The following LARP4B variants were observed in gnomAD, a reference collection of about 807,000 sequenced individuals.
LARP4B encodes la-related protein 4B.
LARP4B carries 12 observed loss-of-function variants against 89.8 expected under a neutral mutation model. The observed-to-expected ratio is 0.13, with a 90% confidence interval of 0.09 to 0.22. The LOEUF is 0.22. LARP4B is among the 10% of genes least tolerant of loss of function. The probability of loss-of-function intolerance (pLI) is 1.00; values close to 1 mark genes in which losing one functional copy is unlikely to be tolerated. For synonymous variants in LARP4B, 367 were observed against 363.3 expected (o/e 1.01, Z -0.12); for missense variants, 757 against 947.7 (o/e 0.80, Z 2.64).
At chr10:877,060 G>A (rs1213544915) in intron 3 of LARP4B, among the ~76,000 whole-genome samples, 3 of 152,180 alleles carry the variant, frequency 2.0e-5, no homozygotes, top group African/African-American at 7.2e-5. Context: ...GAGGTCCGAG[G>A]CGGCTCTGGG....
In LARP4B at chr10:910,048, G is replaced by A. The variant is rs563019367; in HGVS notation, c.-40+21380C>T. Among the ~76,000 whole-genome samples, 12 of 152,236 alleles carry A rather than the reference G, an allele frequency of 7.9e-5. No individual in the cohort carries two copies. In the South Asian group the frequency reaches 1.5e-3, roughly 18 times the overall value. ...GTGTGGGACTTCTGTCATGCCTCCC[G>A]CCCCAGATCCATGCTGAGCAGAATT... is the stretch of plus-strand genomic sequence containing the variant. On this transcript the variant is annotated intron_variant, in intron 1 of 17. Transcript: ENST00000316157.
At chr10:926,452 G>A (rs929327439) in intron 1 of LARP4B, among the ~76,000 whole-genome samples, 8 of 152,152 alleles carry the variant, frequency 5.3e-5, no homozygotes, top group Non-Finnish European at 5.9e-5. Context: ...AGAGGGAGGC[G>A]TGGTCCTGAT....
chr10:978,474 T>C, the LARP4B span, among the ~76,000 whole-genome samples: 1 of 152,210 alleles, frequency 6.6e-6, no homozygotes, highest in Non-Finnish European at 1.5e-5. Context: ...TTTCACTTTT[T>C]TCTTGCCTTC....
chr10:873,507 T>C (rs1835328261), intron 3 of LARP4B: 1 of 691,282 alleles, frequency 1.4e-6, no homozygotes, highest in South Asian at 6.4e-5. Context: ...AGTGTTCCAG[T>C]ATTTCCCAAA....
At chr10:821,485 G>C (rs1832349762) in intron 13 of LARP4B, among the ~76,000 whole-genome samples, 1 of 152,224 alleles carries the variant, frequency 6.6e-6, no homozygotes, top group Non-Finnish European at 1.5e-5. Context: ...GACAGACACT[G>C]ATTAAGTGGT....
At chr10:827,884 A>G (rs931518412) in intron 11 of LARP4B, among the ~76,000 whole-genome samples, 1 of 152,210 alleles carries the variant, frequency 6.6e-6, no homozygotes, top group Non-Finnish European at 1.5e-5. Context: ...AGAATGTGCT[A>G]CTTCAAAAAG....
chr10:979,147 T>G, the LARP4B span, among the ~76,000 whole-genome samples: 1 of 152,322 alleles, frequency 6.6e-6, no homozygotes, highest in East Asian at 1.9e-4. Context: ...TGGAAAAATC[T>G]TAGTCTTTAT....
chr10:854,232 T>C (rs1200636450), intron 5 of LARP4B, among the ~76,000 whole-genome samples: 1 of 152,206 alleles, frequency 6.6e-6, no homozygotes, highest in Non-Finnish European at 1.5e-5. Flanking sequence ...CCACTGGTCA[T>C]GAACCCCTCA....
At chr10:943,921 A>G in the LARP4B span, among the ~76,000 whole-genome samples, 2 of 152,076 alleles carry the variant, frequency 1.3e-5, no homozygotes, top group Admixed American at 6.6e-5. Context: ...ATTGAAGCTC[A>G]CTGCAGCCTC....
intron 1 of LARP4B, among the ~76,000 whole-genome samples, chr10:931,044 C>T (rs1830577301): frequency 6.6e-6 from 1 of 151,104 alleles, no homozygotes; most frequent in Admixed American, 6.6e-5. Flanking sequence ...TGACCCCGGC[C>T]CGGTCTTCCG....
chr10:809,494 A>G (rs1323300267), downstream of LARP4B: 1 of 152,246 alleles, frequency 6.6e-6, no homozygotes, highest in Non-Finnish European at 1.5e-5. Context: ...TGTTTAGAAA[A>G]GATGCATTAT....
chr10:972,474 G>A, the LARP4B span: 1 of 454,566 alleles, frequency 2.2e-6, no homozygotes, highest in Admixed American at 2.4e-5. Context: ...ATTGTGGCAG[G>A]ACAGTCCACA....
chr10:898,098 G>A (rs986891726), intron 1 of LARP4B, among the ~76,000 whole-genome samples: 6 of 150,942 alleles, frequency 4.0e-5, no homozygotes, highest in South Asian at 2.1e-4. Flanking sequence ...CACATCATTC[G>A]TCATGAGGGA....
intron 1 of LARP4B, among the ~76,000 whole-genome samples, chr10:900,618 C>CTT (rs907868624): frequency 2.6e-4 from 31 of 118,988 alleles, no homozygotes; most frequent in African/African-American, 8.6e-4. Flanking sequence ...GATATATTTC[C>CTT]TTTTTTTTTT....
chr10:905,732 A>G (rs1307682750), intron 1 of LARP4B, among the ~76,000 whole-genome samples: 1 of 152,048 alleles, frequency 6.6e-6, no homozygotes, highest in Non-Finnish European at 1.5e-5. Context: ...GGAGGGCAGA[A>G]TCAGCAGGAC....
At chr10:980,801 C>T in the LARP4B span, among the ~76,000 whole-genome samples, 536 of 152,322 alleles carry the variant, frequency 3.5e-3, 3 homozygotes, top group African/African-American at 0.012. Flanking sequence ...TATTTTGGCT[C>T]GCTTTTAGTT....
Position 905,420 on chromosome 10 carries a change from A to G in LARP4B, c.-39-19660T>C, listed in dbSNP as rs150129578. On this transcript the variant is annotated intron_variant, in intron 1 of 17. Transcript: ENST00000316157. ...GAAAGGGAAATATTCCATAACAATT[A>G]TAATCCTATATAGCTCTTGAAAATC... is the stretch of plus-strand genomic sequence containing the variant. 3.4e-3 allele frequency among the ~76,000 whole-genome samples: 524 copies of G among 152,334 alleles called. 4 individuals are homozygous for G. The highest frequency in any genetic ancestry group is 4.8e-3 in the Non-Finnish European group (327 of 68,030).
intron 1 of LARP4B, among the ~76,000 whole-genome samples, chr10:917,302 C>A (rs1308591952): frequency 6.6e-6 from 1 of 152,160 alleles, no homozygotes; most frequent in Non-Finnish European, 1.5e-5. Flanking sequence ...ATGAGCAAGA[C>A]TGAAACATTC....
At chr10:837,200 A>G (rs1415533481) in intron 7 of LARP4B, among the ~76,000 whole-genome samples, 1 of 152,236 alleles carries the variant, frequency 6.6e-6, no homozygotes, top group Non-Finnish European at 1.5e-5. Context: ...ATAAACCACC[A>G]AAGCTCACCC....
Sources: allele counts gnomAD v4.1 joint callset (sites outside exome capture counted in the v4.1 genomes callset), GRCh38; gene constraint gnomAD v4.1.1; transcripts MANE v1.5; gene names NCBI Gene and HGNC (gene_info 2026-07-23, HGNC 2026-07-21).